The following EVA1A variants were observed in gnomAD, a reference collection of about 807,000 sequenced individuals.
The protein encoded by EVA1A is eva-1 homolog A, regulator of programmed cell death.
In EVA1A, 7 loss-of-function variants were observed where a neutral mutation model predicts 9.8. That is an observed-to-expected ratio of 0.71 (90% CI 0.41 to 1.34). The LOEUF is 1.34. Ranked by LOEUF, EVA1A falls within the 40% of genes most tolerant of loss-of-function variation. The pLI is 0.01. For synonymous variants in EVA1A, 90 were observed against 85.6 expected (o/e 1.05, Z -0.28); for missense variants, 206 against 205.9 (o/e 1.00, Z 0.00).
chr2:75,549,000 ATATATATATTT>A (rs1158344103), intron 1 of EVA1A, among the ~76,000 whole-genome samples: 2 of 93,662 alleles, frequency 2.1e-5, no homozygotes, highest in African/African-American at 5.3e-5. Context: ...ATATATATAT[ATATATATATTT>A]TTTTTTTTTT....
intron 2 of EVA1A, among the ~76,000 whole-genome samples, chr2:75,519,882 C>A (rs1428940746): frequency 6.6e-6 from 1 of 152,150 alleles, no homozygotes; most frequent in African/African-American, 2.4e-5. Context: ...AGTTTTGCAA[C>A]AATCTCCTAC....
At chr2:75,549,006 ATATTTTT>A (rs1196543546) in intron 1 of EVA1A, among the ~76,000 whole-genome samples, 1,874 of 126,216 alleles carry the variant, frequency 0.015, 45 homozygotes, top group African/African-American at 0.057. Context: ...ATATATATAT[ATATTTTT>A]TTTTTTTTTA....
At chr2:75,493,690 C>G (rs898152819) in intron 3 of EVA1A, 81 bp from the exon 4 acceptor site, 6 of 1,370,474 alleles carry the variant, frequency 4.4e-6, no homozygotes, top group Non-Finnish European at 4.8e-6. Flanking sequence ...CCAGCCTACA[C>G]TTCTCACCAG....
At chr2:75,525,562 C>A (rs1353536823) in intron 1 of EVA1A, among the ~76,000 whole-genome samples, 1 of 152,212 alleles carries the variant, frequency 6.6e-6, no homozygotes, top group African/African-American at 2.4e-5. Context: ...GTGTTCCATC[C>A]TTCTGCATTT....
At chr2:75,523,200 T>A (rs1410310010) in intron 1 of EVA1A, among the ~76,000 whole-genome samples, 1 of 152,192 alleles carries the variant, frequency 6.6e-6, no homozygotes, top group Non-Finnish European at 1.5e-5. Context: ...TAGAGACACA[T>A]CTCAGCTATT....
intron 3 of EVA1A, among the ~76,000 whole-genome samples, chr2:75,497,552 A>G (rs1031598130): frequency 2.0e-5 from 3 of 152,116 alleles, no homozygotes; most frequent in Admixed American, 6.5e-5. Flanking sequence ...AAAGTTGTGC[A>G]TAAAAGGGAA....
chr2:75,499,510 A>G (rs554717313), intron 3 of EVA1A, among the ~76,000 whole-genome samples: 52 of 152,220 alleles, frequency 3.4e-4, no homozygotes, highest in Non-Finnish European at 5.1e-4. Context: ...ACTGGGATAA[A>G]GCAAAATGAA....
At position 75,504,902 on chromosome 2, in the gene EVA1A, A is replaced by G. The variant is rs185491328; in HGVS notation, c.86-11293T>C. On this transcript the variant is annotated intron_variant, in intron 3 of 3. Coordinates refer to ENST00000393913, the MANE Select transcript of EVA1A (RefSeq NM_001135032.2). ...TAGGTGCAGAAAACCACCATGGCACATGTATACCTATGTAACAAACCTGCA... is the reference window on the plus strand; with the variant it reads ...TAGGTGCAGAAAACCACCATGGCACGTGTATACCTATGTAACAAACCTGCA... 7.1e-3 allele frequency among the ~76,000 whole-genome samples: 1,079 copies of G among 152,330 alleles called. 5 individuals carry two copies. Among genetic ancestry groups the G allele is most frequent in the Admixed American group, 0.01 (160 of 15,304 alleles).
At chr2:75,507,978 A>T (rs1003828380) in intron 3 of EVA1A, among the ~76,000 whole-genome samples, 1 of 152,178 alleles carries the variant, frequency 6.6e-6, no homozygotes, top group East Asian at 1.9e-4. Flanking sequence ...ATAATTTTAT[A>T]ATTTCTTATG....
intron 1 of EVA1A, among the ~76,000 whole-genome samples, chr2:75,566,517 C>G (rs563928900): frequency 6.6e-6 from 1 of 152,318 alleles, no homozygotes; most frequent in Non-Finnish European, 1.5e-5. Context: ...CATCACTTCT[C>G]TCACCTTTTT....
At chr2:75,508,968 C>G (rs1192548001) in intron 3 of EVA1A, among the ~76,000 whole-genome samples, 1 of 152,106 alleles carries the variant, frequency 6.6e-6, no homozygotes, top group Non-Finnish European at 1.5e-5. Flanking sequence ...TATATAACCT[C>G]TACTCTCACA....
intron 3 of EVA1A, 112 bp downstream of exon 3, chr2:75,517,941 CTTT>C: frequency 4.9e-6 from 6 of 1,224,730 alleles, no homozygotes; most frequent in Non-Finnish European, 7.1e-6. Flanking sequence ...AGAGCAGTAG[CTTT>C]GATTACGTAG....
chr2:75,564,204 C>T (rs373475771), upstream of EVA1A, among the ~76,000 whole-genome samples: 8 of 152,296 alleles, frequency 5.3e-5, no homozygotes, highest in African/African-American at 1.9e-4. Flanking sequence ...TCAGGGAACA[C>T]AGGAGAGGTT....
chr2:75,500,989 A>G (rs1409268398), intron 3 of EVA1A, among the ~76,000 whole-genome samples: 1 of 151,828 alleles, frequency 6.6e-6, no homozygotes, highest in African/African-American at 2.4e-5. Flanking sequence ...CAACATTTTA[A>G]GATCTGACTC....
intron 3 of EVA1A, among the ~76,000 whole-genome samples, chr2:75,516,676 T>C (rs1343623525): frequency 6.6e-6 from 1 of 152,236 alleles, no homozygotes; most frequent in Non-Finnish European, 1.5e-5. Flanking sequence ...TTTGCTCTCA[T>C]GCGAGACATA....
chr2:75,502,483 T>G lies in EVA1A; in HGVS notation c.86-8874A>C, dbSNP rs540275821. On this transcript the variant is annotated intron_variant, in intron 3 of 3. Transcript: ENST00000393913. The stretch of plus-strand genomic sequence containing the variant: ...TCTACATGCACCCTTTTACCTATTC[T>G]GCAATCTAAGAATGCTTAAAAATAT... 2.6e-5 allele frequency among the ~76,000 whole-genome samples: 4 copies of G among 152,332 alleles called. No individual in the cohort carries two copies. In the South Asian group the frequency reaches 8.3e-4, roughly 32 times the overall value.
intron 1 of EVA1A, among the ~76,000 whole-genome samples, chr2:75,528,825 A>G (rs1476604595): frequency 1.3e-5 from 2 of 152,172 alleles, no homozygotes; most frequent in Non-Finnish European, 2.9e-5. Flanking sequence ...TGCTCTCTTG[A>G]AAGCTCCTGG....
At chr2:75,555,675 T>C (rs1258825694) in intron 1 of EVA1A, among the ~76,000 whole-genome samples, 1 of 152,070 alleles carries the variant, frequency 6.6e-6, no homozygotes, top group Non-Finnish European at 1.5e-5. Context: ...TCAGCACACC[T>C]GAGCTTTAAA....
At chr2:75,506,049 A>G (rs1674609685) in intron 3 of EVA1A, among the ~76,000 whole-genome samples, 5 of 152,194 alleles carry the variant, frequency 3.3e-5, no homozygotes, top group Admixed American at 3.3e-4. Flanking sequence ...TGTACACAGC[A>G]TATAACACTG....
Sources: gnomAD v4.1 joint callset for allele counts (sites outside exome capture counted in the v4.1 genomes callset) on GRCh38, gnomAD v4.1.1 for gene constraint, MANE v1.5 for transcripts, NCBI Gene and HGNC (gene_info 2026-07-23, HGNC 2026-07-21) for gene names.